The following TRABD2A variants were observed in gnomAD, a reference collection of about 807,000 sequenced individuals.
TRABD2A encodes TraB domain containing 2A.
A neutral mutation model predicts 45.6 loss-of-function variants in TRABD2A; 43 were observed. That is an observed-to-expected ratio of 0.94 (90% CI 0.74 to 1.22). The LOEUF (loss-of-function observed/expected upper bound fraction) is 1.22. Ranked by LOEUF, TRABD2A falls within the 50% of genes most tolerant of loss-of-function variation. TRABD2A has a pLI of 0.00. For missense variants in TRABD2A, 642 were observed against 652.4 expected (o/e 0.98, Z 0.17); for synonymous variants, 269 against 265.0 (o/e 1.02, Z -0.15).
Position 84,870,711 on chromosome 2 carries a change from G to T in TRABD2A, c.183C>A (p.Val61=). Reference sequence around the variant, plus strand: ...TGAAGTCCCAAACTCGGGTGTACGGGACATGGATTGTGCCAAAGAAGTAAG... The same window carrying T: ...TGAAGTCCCAAACTCGGGTGTACGGTACATGGATTGTGCCAAAGAAGTAAG... The part of the protein sequence containing the change: ...PPSYFFGTIH[V]PYTRVWDFIP... Residue 61 remains valine (V), a synonymous_variant, in exon 2 of 7, where the codon GTC becomes GTA. Transcript: ENST00000409520. The T allele has an allele frequency of 6.2e-7, 1 of 1,603,728 alleles. No homozygotes were observed. Among genetic ancestry groups the T allele is most frequent in the Non-Finnish European group, 8.5e-7 (1 of 1,174,928 alleles).
At chr2:84,878,363 A>G (rs1368032997) in intron 1 of TRABD2A, among the ~76,000 whole-genome samples, 1 of 152,096 alleles carries the variant, frequency 6.6e-6, no homozygotes, top group Non-Finnish European at 1.5e-5. Flanking sequence ...CATCTCTACT[A>G]AAAATACAAA....
intron 1 of TRABD2A, among the ~76,000 whole-genome samples, chr2:84,879,887 G>A (rs1573962253): frequency 6.6e-6 from 1 of 152,300 alleles, no homozygotes; most frequent in African/African-American, 2.4e-5. Context: ...GTTGGGATGA[G>A]GAATAAAATT....
intron 1 of TRABD2A, among the ~76,000 whole-genome samples, chr2:84,871,073 T>A (rs965877423): frequency 2.6e-5 from 4 of 152,140 alleles, no homozygotes; most frequent in Non-Finnish European, 5.9e-5. Context: ...CTCCAGACAT[T>A]CTGATCTGAT....
Position 84,859,649 on chromosome 2 carries a change from C to T in TRABD2A, c.669+10576G>A, listed in dbSNP as rs567012249. Among the ~76,000 whole-genome samples the T allele has an allele frequency of 9.9e-5, 15 of 152,284 alleles. No homozygotes were observed. The South Asian group carries it at 2.9e-3, about 30-fold the overall frequency. On this transcript the variant is annotated intron_variant, in intron 2 of 6. Coordinates refer to ENST00000409520, the MANE Select transcript of TRABD2A (RefSeq NM_001277053.2). Reference sequence around the variant, plus strand: ...TGGCAATACAAGAACAGGACTGGAGCAGGGACCAAGAATAGGACCCAATGG... The same window carrying T: ...TGGCAATACAAGAACAGGACTGGAGTAGGGACCAAGAATAGGACCCAATGG...
chr2:84,881,047 A>C lies in TRABD2A; in HGVS notation c.-8T>G. On this transcript the variant is annotated 5_prime_UTR_variant, in exon 1 of 7. Coordinates refer to ENST00000409520, the MANE Select transcript of TRABD2A (RefSeq NM_001277053.2). ...CCAGCTCCAGGGACTCATCCTCCTC[A>C]AGGCGGCTCCGAGGCCCGGAACGCG... 6.3e-7 allele frequency: 1 copy of C among 1,592,894 alleles called. No individual in the cohort carries two copies. The highest frequency in any genetic ancestry group is 1.9e-4 in the Middle Eastern group (1 of 5,310).
intron 4 of TRABD2A, among the ~76,000 whole-genome samples, chr2:84,838,710 C>A (rs1681603322): frequency 6.6e-6 from 1 of 152,212 alleles, no homozygotes; most frequent in Non-Finnish European, 1.5e-5. Context: ...TTGTCCTATT[C>A]TGTCTCCATG....
chr2:84,845,374 C>T (rs1196287034), intron 2 of TRABD2A, among the ~76,000 whole-genome samples: 2 of 152,214 alleles, frequency 1.3e-5, no homozygotes, highest in Non-Finnish European at 2.9e-5. Context: ...AATAAAATGA[C>T]TACTGGAGAG....
At chr2:84,856,022 TCAAA>T (rs1682291454) in intron 2 of TRABD2A, among the ~76,000 whole-genome samples, 1 of 152,128 alleles carries the variant, frequency 6.6e-6, no homozygotes. Context: ...CTCCCCGCAC[TCAAA>T]CAAAGGGCCT....
chr2:84,824,340 A>C, intron 5 of TRABD2A, 136 bp from the exon 6 acceptor site: 1 of 1,260,814 alleles, frequency 7.9e-7, no homozygotes, highest in Non-Finnish European at 1.1e-6. Flanking sequence ...AAGGGCAGAA[A>C]TTACCCAGTT....
At chr2:84,855,177 T>C (rs541800024) in intron 2 of TRABD2A, among the ~76,000 whole-genome samples, 3 of 152,286 alleles carry the variant, frequency 2.0e-5, no homozygotes, top group South Asian at 4.1e-4. Flanking sequence ...AAAATGCTCA[T>C]CTTTATAGGC....
intron 2 of TRABD2A, among the ~76,000 whole-genome samples, chr2:84,850,379 G>A (rs1051419575): frequency 1.2e-4 from 19 of 152,084 alleles, no homozygotes; most frequent in South Asian, 2.1e-4. Flanking sequence ...CACAGAGTCC[G>A]CCTGTCCTCT....
At chr2:84,838,977 G>T in intron 4 of TRABD2A, 172 bp downstream of exon 4, 2 of 660,420 alleles carry the variant, frequency 3.0e-6, no homozygotes, top group Non-Finnish European at 5.1e-6. Context: ...CATGCTGGAT[G>T]CTCCATCCCC....
intron 2 of TRABD2A, among the ~76,000 whole-genome samples, chr2:84,848,972 C>T (rs1421696809): frequency 6.6e-6 from 1 of 152,054 alleles, no homozygotes; most frequent in Admixed American, 6.6e-5. Flanking sequence ...AAATGCAGCC[C>T]GAGCTATCCT....
intron 3 of TRABD2A, 94 bp from the exon 4 acceptor site, chr2:84,839,417 C>T (rs1681635224): frequency 1.6e-6 from 2 of 1,226,732 alleles, no homozygotes; most frequent in Non-Finnish European, 2.3e-6. Flanking sequence ...CCTAGATGGT[C>T]AAGACGTTGT....
intron 2 of TRABD2A, among the ~76,000 whole-genome samples, chr2:84,869,444 G>A (rs902233136): frequency 6.6e-6 from 1 of 152,182 alleles, no homozygotes. Context: ...ATGCCCTGGG[G>A]TAGGATCCTT....
chr2:84,868,227 AC>A (rs1682746201), intron 2 of TRABD2A, among the ~76,000 whole-genome samples: 1 of 152,204 alleles, frequency 6.6e-6, no homozygotes, highest in Non-Finnish European at 1.5e-5. Flanking sequence ...AAAATGGGGC[AC>A]ATATACGCCT....
chr2:84,859,836 C>T (rs1188351716), intron 2 of TRABD2A, among the ~76,000 whole-genome samples: 2 of 152,164 alleles, frequency 1.3e-5, no homozygotes, highest in Admixed American at 1.3e-4. Context: ...AGTCCAGGGA[C>T]ACACTTTGAG....
intron 4 of TRABD2A, 89 bp from the exon 5 acceptor site, chr2:84,832,234 C>T: frequency 2.3e-6 from 3 of 1,320,838 alleles, no homozygotes; most frequent in Non-Finnish European, 3.2e-6. Flanking sequence ...CAAGAAATTA[C>T]CCTGCCAAGC....
At chr2:84,841,308 A>G (rs867832606) in intron 3 of TRABD2A, among the ~76,000 whole-genome samples, 17 of 152,210 alleles carry the variant, frequency 1.1e-4, no homozygotes, top group African/African-American at 4.1e-4. Context: ...GCCCACAGGT[A>G]AGGCCTGAGC....
Sources: allele counts gnomAD v4.1 joint callset (sites outside exome capture counted in the v4.1 genomes callset), GRCh38; gene constraint gnomAD v4.1.1; transcripts MANE v1.5; gene names NCBI Gene and HGNC (gene_info 2026-07-23, HGNC 2026-07-21).